The following RIMKLB variants were observed in gnomAD, a reference collection of about 807,000 sequenced individuals.
RIMKLB encodes the protein ribosomal modification protein rimK like family member B, also known as beta-citrylglutamate synthase B.
Under a neutral mutation model 32.0 loss-of-function variants are expected in RIMKLB, and 7 were observed. The observed-to-expected ratio is 0.22, with a 90% CI of 0.12 to 0.41. The LOEUF (loss-of-function observed/expected upper bound fraction) is 0.41. Ranked by LOEUF, RIMKLB falls within the 10% of genes least tolerant of loss-of-function variation. The pLI is 1.00. For missense variants in RIMKLB, 289 were observed against 498.7 expected (o/e 0.58, Z 4.00); for synonymous variants, 172 against 185.1 (o/e 0.93, Z 0.57).
At chr12:8,759,686 T>G (rs1317680391) in intron 5 of RIMKLB, among the ~76,000 whole-genome samples, 1 of 152,114 alleles carries the variant, frequency 6.6e-6, no homozygotes, top group African/African-American at 2.4e-5. Flanking sequence ...GCCCCAGATC[T>G]CAAACAAGCA....
At chr12:8,766,631 T>A (rs2138130554) in intron 5 of RIMKLB, among the ~76,000 whole-genome samples, 1 of 152,306 alleles carries the variant, frequency 6.6e-6, no homozygotes, top group Non-Finnish European at 1.5e-5. Context: ...TCCACAAGAT[T>A]CTCCCTATCA....
chr12:8,727,711 C>T lies in RIMKLB; in HGVS notation c.175+13670C>T, dbSNP rs145298178. Among the ~76,000 whole-genome samples, 1,348 of 152,062 alleles carry T rather than the reference C, an allele frequency of 8.9e-3. 18 individuals carry two copies. Among genetic ancestry groups the T allele is most frequent in the African/African-American group, 0.03 (1,261 of 41,494 alleles). ...GTCAGGAGTTCAAGACCAGCCTGGC[C>T]AACATGGTGAAACCCTGTCTCTACT... is the stretch of plus-strand genomic sequence containing the variant. On this transcript the variant is annotated intron_variant, in intron 2 of 5. Coordinates refer to ENST00000535829, the MANE Select transcript of RIMKLB (RefSeq NM_001297776.2).
downstream of RIMKLB, among the ~76,000 whole-genome samples, chr12:8,778,108 G>C (rs1265068498): frequency 6.6e-6 from 1 of 151,890 alleles, no homozygotes; most frequent in Non-Finnish European, 1.5e-5. Context: ...TTTTGTTTTG[G>C]GTTTGTTTGT....
At chr12:8,758,959 T>C (rs1949304163) in intron 5 of RIMKLB, among the ~76,000 whole-genome samples, 1 of 152,212 alleles carries the variant, frequency 6.6e-6, no homozygotes. Context: ...TTTGCCAGAA[T>C]TGAATTGCAA....
intron 1 of RIMKLB, among the ~76,000 whole-genome samples, chr12:8,698,688 A>T (rs1943089737): frequency 6.6e-6 from 1 of 150,764 alleles, no homozygotes; most frequent in Non-Finnish European, 1.5e-5. Flanking sequence ...TGTCCTCGGG[A>T]TTGCGGCGAC....
At chr12:8,726,658 CT>C (rs576936354) in intron 2 of RIMKLB, among the ~76,000 whole-genome samples, 3,392 of 144,048 alleles carry the variant, frequency 0.024, 99 homozygotes, top group African/African-American at 0.073. Context: ...CCATTTTATT[CT>C]TTTTTTTTTC....
intron 2 of RIMKLB, among the ~76,000 whole-genome samples, chr12:8,746,598 CAAAAAA>C (rs1185862870): frequency 5.5e-5 from 3 of 54,958 alleles, no homozygotes; most frequent in Non-Finnish European, 7.5e-5. Context: ...GACTCTGTCT[CAAAAAA>C]AAAAAAAAAA....
rs993964203 is a variant in RIMKLB at position 8,727,856 on chromosome 12, G to A, written c.175+13815G>A. 4.0e-5 allele frequency among the ~76,000 whole-genome samples: 6 copies of A among 150,602 alleles called. No individual in the cohort carries two copies. In the South Asian group the frequency reaches 6.3e-4, roughly 16 times the overall value. On this transcript the variant is annotated intron_variant, in intron 2 of 5. Coordinates refer to ENST00000535829, the MANE Select transcript of RIMKLB (RefSeq NM_001297776.2). Reference sequence around the variant, plus strand: ...GTGGAGGTTGCAGTGAGCCAAGACTGTGCCACTGCATTCCAGTCTGGGCAA... The same window carrying A: ...GTGGAGGTTGCAGTGAGCCAAGACTATGCCACTGCATTCCAGTCTGGGCAA...
intron 5 of RIMKLB, among the ~76,000 whole-genome samples, chr12:8,769,893 C>A (rs1012011532): frequency 3.3e-5 from 5 of 152,286 alleles, no homozygotes; most frequent in Non-Finnish European, 7.3e-5. Flanking sequence ...CCTTCCTACT[C>A]TTTCCACTTG....
chr12:8,737,474 A>C (rs896367713), intron 2 of RIMKLB, among the ~76,000 whole-genome samples: 13 of 152,164 alleles, frequency 8.5e-5, no homozygotes, highest in Non-Finnish European at 1.9e-4. Flanking sequence ...TACTTGGTTA[A>C]GGTCTTCCAA....
At chr12:8,747,559 A>T (rs1948209377) in intron 2 of RIMKLB, among the ~76,000 whole-genome samples, 1 of 152,096 alleles carries the variant, frequency 6.6e-6, no homozygotes, top group South Asian at 2.1e-4. Flanking sequence ...GAGAGCAAGG[A>T]CCTTATTTTA....
chr12:8,777,973 G>C (rs1442828363), downstream of RIMKLB, among the ~76,000 whole-genome samples: 1 of 152,132 alleles, frequency 6.6e-6, no homozygotes, highest in African/African-American at 2.4e-5. Flanking sequence ...GCTTTTGGGG[G>C]TAAAGTTTGA....
chr12:8,775,420 A>G lies in RIMKLB; in HGVS notation c.*1636A>G. The G allele has an allele frequency of 1.0e-6, 1 of 985,604 alleles. No homozygotes were observed. Among genetic ancestry groups the G allele is most frequent in the South Asian group, 4.7e-5 (1 of 21,282 alleles). The allele number at this position is 985,604 out of a possible 1,614,324, so 61.1% of individuals were successfully genotyped here. ...ATTGATGGGTTTGGATGGTATGTTAAGAAATGGAGATGCTGCAGAGCCCAA... is the reference window on the plus strand; with the variant it reads ...ATTGATGGGTTTGGATGGTATGTTAGGAAATGGAGATGCTGCAGAGCCCAA... On this transcript the variant is annotated 3_prime_UTR_variant, in exon 6 of 6. Coordinates refer to ENST00000535829, the MANE Select transcript of RIMKLB (RefSeq NM_001297776.2).
chr12:8,683,835 C>T (rs1942486765), intron 1 of RIMKLB, among the ~76,000 whole-genome samples: 1 of 152,026 alleles, frequency 6.6e-6, no homozygotes, highest in South Asian at 2.1e-4. Context: ...GCTACCTCCA[C>T]CTCCCGGGTT....
At chr12:8,769,730 A>G (rs1484481577) in intron 5 of RIMKLB, among the ~76,000 whole-genome samples, 9 of 152,120 alleles carry the variant, frequency 5.9e-5, no homozygotes, top group Admixed American at 4.6e-4. Context: ...CAGATTCTCT[A>G]CAGTTACTTG....
downstream of RIMKLB, among the ~76,000 whole-genome samples, chr12:8,778,108 GGTTT>G (rs1950838026): frequency 1.3e-5 from 2 of 151,890 alleles, no homozygotes; most frequent in Non-Finnish European, 2.9e-5. Context: ...TTTTGTTTTG[GGTTT>G]GTTTGTTTCT....
At chr12:8,741,033 C>G (rs945802532) in intron 2 of RIMKLB, among the ~76,000 whole-genome samples, 1 of 152,016 alleles carries the variant, frequency 6.6e-6, no homozygotes, top group African/African-American at 2.4e-5. Context: ...ATGGTGAAAC[C>G]CCAGCTCTAC....
At chr12:8,681,349 T>A, upstream of RIMKLB, among the ~76,000 whole-genome samples, 1 of 152,164 alleles carries the variant, frequency 6.6e-6, no homozygotes, top group East Asian at 1.9e-4. Context: ...GTTGAATAAG[T>A]GTGGTATAAT....
chr12:8,703,085 A>G (rs1400084981), intron 1 of RIMKLB, among the ~76,000 whole-genome samples: 2 of 152,200 alleles, frequency 1.3e-5, no homozygotes, highest in Non-Finnish European at 2.9e-5. Context: ...CAGGAGTTTG[A>G]GACCAGCCTG....
Sources: allele counts gnomAD v4.1 joint callset (sites outside exome capture counted in the v4.1 genomes callset), GRCh38; gene constraint gnomAD v4.1.1; transcripts MANE v1.5; gene names NCBI Gene and HGNC (gene_info 2026-07-23, HGNC 2026-07-21).